Variants in XPR1 observed in about 807,000 individuals in gnomAD.
The protein encoded by XPR1 is xenotropic and polytropic retrovirus receptor 1.
A neutral mutation model predicts 87.5 loss-of-function variants in XPR1; 28 were observed. That is an observed-to-expected ratio of 0.32 (90% confidence interval 0.24 to 0.44). The LOEUF is 0.44. Among genes scored for constraint, XPR1 ranks in the 20% least tolerant of loss-of-function variants. The pLI, the probability that XPR1 is intolerant of heterozygous loss-of-function variation, is 1.00. For synonymous variants in XPR1, 300 were observed against 306.1 expected (o/e 0.98, Z 0.21); for missense variants, 559 against 862.3 (o/e 0.65, Z 4.41).
chr1:180,675,774 G>A (rs914900626), intron 1 of XPR1, among the ~76,000 whole-genome samples: 3 of 152,290 alleles, frequency 2.0e-5, no homozygotes, highest in African/African-American at 7.2e-5. Context: ...ACCCAGGCAT[G>A]TGGTCTGGGT....
chr1:180,632,531 G>C (rs557959960), intron 1 of XPR1, among the ~76,000 whole-genome samples: 1 of 152,278 alleles, frequency 6.6e-6, no homozygotes, highest in East Asian at 1.9e-4. Flanking sequence ...TGCCCGGGCC[G>C]GGGCCGGGGC....
chr1:180,766,023 G>A (rs537709860), intron 2 of XPR1, among the ~76,000 whole-genome samples: 1 of 152,150 alleles, frequency 6.6e-6, no homozygotes, highest in African/African-American at 2.4e-5. Context: ...TTAACTGGCT[G>A]TGGTCTTATA....
At chr1:180,834,731 T>C in intron 9 of XPR1, 143 bp from the exon 10 acceptor site, 1 of 869,952 alleles carries the variant, frequency 1.1e-6, no homozygotes, top group Non-Finnish European at 1.7e-6. Context: ...TAGCCACTGT[T>C]GCCAGGTCTC....
intron 2 of XPR1, among the ~76,000 whole-genome samples, chr1:180,750,401 A>C (rs1647488243): frequency 6.6e-6 from 1 of 152,164 alleles, no homozygotes; most frequent in African/African-American, 2.4e-5. Flanking sequence ...AGGGAAAAGT[A>C]AGCCTTTACA....
chr1:180,718,785 C>T (rs1165042686), intron 2 of XPR1, among the ~76,000 whole-genome samples: 2 of 151,790 alleles, frequency 1.3e-5, no homozygotes, highest in African/African-American at 2.4e-5. Flanking sequence ...TCTCCTGCCT[C>T]AGCCTCCCAA....
chr1:180,776,965 A>G (rs139003956), intron 2 of XPR1, among the ~76,000 whole-genome samples: 1 of 152,206 alleles, frequency 6.6e-6, no homozygotes, highest in Non-Finnish European at 1.5e-5. Flanking sequence ...TTGTGTAGGG[A>G]CTACTTAAGC....
chr1:180,697,868 A>G lies in XPR1; in HGVS notation c.121+15457A>G, dbSNP rs186312563. ...TGAGATTTGTTTTGTGGCCTAACAT[A>G]TGGTCTGTCCTAGAGAATGTTCCAT... On this transcript the variant is annotated intron_variant, in intron 2 of 14. Coordinates refer to ENST00000367590, the MANE Select transcript of XPR1 (RefSeq NM_004736.4). 1.2e-3 allele frequency among the ~76,000 whole-genome samples: 178 copies of G among 152,216 alleles called. 1 individual carries two copies. The highest frequency in any genetic ancestry group is 2.0e-3 in the Non-Finnish European group (138 of 67,982).
At chr1:180,847,062 T>C (rs1651711008) in intron 11 of XPR1, among the ~76,000 whole-genome samples, 1 of 152,188 alleles carries the variant, frequency 6.6e-6, no homozygotes, top group African/African-American at 2.4e-5. Flanking sequence ...TGTAACTATT[T>C]TATCCTTACC....
In XPR1 at chr1:180,880,247, A is replaced by G. The variant is rs1184462376; in HGVS notation, c.1980A>G (p.Ser660=). The change falls in exon 14 of 15, where the codon TCA becomes TCG. Residue 660 remains serine, a synonymous_variant. Transcript: ENST00000367590. ...TACGAAACCGCCAGAAGAATCGGTC[A>G]TGGAAGTACAACCAGAGCATATCCC... The part of the protein sequence containing the change: ...DGVRNRQKNR[S]WKYNQSISLR... 3.7e-6 allele frequency: 6 copies of G among 1,614,108 alleles called. No individual in the cohort carries two copies. The highest frequency in any genetic ancestry group is 1.3e-5 in the African/African-American group (1 of 74,940).
chr1:180,839,603 AT>A (rs917913177), intron 11 of XPR1, among the ~76,000 whole-genome samples: 1 of 152,182 alleles, frequency 6.6e-6, no homozygotes, highest in African/African-American at 2.4e-5. Flanking sequence ...CTCTTAAGTA[AT>A]TGGGGCCTGC....
intron 10 of XPR1, among the ~76,000 whole-genome samples, chr1:180,835,790 C>G (rs1651264840): frequency 6.6e-6 from 1 of 152,104 alleles, no homozygotes; most frequent in African/African-American, 2.4e-5. Context: ...AGAATGTGCT[C>G]TTGGGTGTCT....
chr1:180,702,420 T>C (rs1027299943), intron 2 of XPR1, among the ~76,000 whole-genome samples: 11 of 151,594 alleles, frequency 7.3e-5, no homozygotes, highest in Non-Finnish European at 1.6e-4. Context: ...TCTGTTGATT[T>C]GGGGTGGAGA....
chr1:180,825,393 T>G (rs752207913), intron 9 of XPR1, 49 bp downstream of exon 9: 322 of 1,551,238 alleles, frequency 2.1e-4, no homozygotes, highest in Non-Finnish European at 2.6e-4. Flanking sequence ...TATTGGTTAT[T>G]GACTTCCTCT....
chr1:180,648,270 A>T (rs2101901431), intron 1 of XPR1, among the ~76,000 whole-genome samples: 1 of 152,300 alleles, frequency 6.6e-6, no homozygotes, highest in African/African-American at 2.4e-5. Flanking sequence ...GAGAATTTGT[A>T]GCAGCAGAGG....
At chr1:180,770,915 T>TC (rs1187182972) in intron 2 of XPR1, among the ~76,000 whole-genome samples, 1 of 152,178 alleles carries the variant, frequency 6.6e-6, no homozygotes, top group Non-Finnish European at 1.5e-5. Context: ...ATCCCTCAGC[T>TC]CCTTCTTTAT....
chr1:180,783,902 A>G (rs1649037261), intron 2 of XPR1, among the ~76,000 whole-genome samples: 1 of 151,886 alleles, frequency 6.6e-6, no homozygotes, highest in African/African-American at 2.4e-5. Flanking sequence ...TAAAACTGCA[A>G]AAATTAGCGG....
intron 3 of XPR1, among the ~76,000 whole-genome samples, chr1:180,798,683 G>T (rs1024968348): frequency 1.3e-5 from 2 of 151,924 alleles, no homozygotes; most frequent in African/African-American, 4.8e-5. Flanking sequence ...GCACAATCTC[G>T]GCTCACTGCA....
intron 1 of XPR1, among the ~76,000 whole-genome samples, chr1:180,675,284 C>T (rs1350077752): frequency 6.6e-6 from 1 of 151,860 alleles, no homozygotes; most frequent in East Asian, 1.9e-4. Context: ...TATGGTAATC[C>T]CCATGTTGCA....
intron 9 of XPR1, among the ~76,000 whole-genome samples, chr1:180,832,868 G>A (rs1651121358): frequency 6.6e-6 from 1 of 152,156 alleles, no homozygotes. Context: ...TCCATACGAA[G>A]TTTGAAGTAG....
Sources: gnomAD v4.1 joint callset for allele counts (sites outside exome capture counted in the v4.1 genomes callset) on GRCh38, gnomAD v4.1.1 for gene constraint, MANE v1.5 for transcripts, NCBI Gene and HGNC (gene_info 2026-07-23, HGNC 2026-07-21) for gene names.